Variants in BEND7 observed in about 807,000 individuals in gnomAD.
The protein encoded by BEND7 is BEN domain containing 7, also known as BEN domain-containing protein 7.
Under a neutral mutation model 50.9 loss-of-function variants are expected in BEND7, and 28 were observed. The observed-to-expected ratio is 0.55, with a 90% CI of 0.41 to 0.75. The LOEUF (loss-of-function observed/expected upper bound fraction) is 0.75. BEND7 is among the 30% of genes least tolerant of loss of function. The pLI is 0.00. For missense variants in BEND7, 477 were observed against 491.3 expected (o/e 0.97, Z 0.28); for synonymous variants, 170 against 183.9 (o/e 0.92, Z 0.61).
At chr10:13,479,767 T>C (rs1290520454) in intron 6 of BEND7, among the ~76,000 whole-genome samples, 1 of 152,072 alleles carries the variant, frequency 6.6e-6, no homozygotes, top group Non-Finnish European at 1.5e-5. Context: ...AGTGAAAAAA[T>C]TCTGATTGAG....
chr10:13,475,879 T>C (rs1271565276), intron 6 of BEND7, among the ~76,000 whole-genome samples: 1 of 152,170 alleles, frequency 6.6e-6, no homozygotes, highest in Admixed American at 6.5e-5. Context: ...TTAAATAGGG[T>C]TACTTAATTT....
At chr10:13,450,836 G>A (rs879282444) in intron 7 of BEND7, among the ~76,000 whole-genome samples, 4 of 152,010 alleles carry the variant, frequency 2.6e-5, no homozygotes, top group Non-Finnish European at 5.9e-5. Flanking sequence ...GGGCAAACCT[G>A]GGGGGAAATG....
chr10:13,500,921 A>G, intron 2 of BEND7: 5 of 816,952 alleles, frequency 6.1e-6, no homozygotes, highest in Non-Finnish European at 7.4e-6. Flanking sequence ...ACTGTGTGCG[A>G]AAGGTCACAG....
chr10:13,466,228 ATT>A (rs376860540), intron 6 of BEND7, among the ~76,000 whole-genome samples: 21 of 140,496 alleles, frequency 1.5e-4, no homozygotes, highest in African/African-American at 2.6e-4. Flanking sequence ...CGTTGAATCC[ATT>A]TTTTTTTTTT....
At position 13,492,865 on chromosome 10, in the gene BEND7, T is replaced by G; in HGVS notation, c.583A>C (p.Asn195His). The change falls in exon 5 of 9, where the codon AAC (asparagine) becomes CAC (histidine). Residue 195 changes from asparagine to histidine, a missense_variant. Physicochemically the swap from Asn to His is moderately conservative, Grantham distance 68. Coordinates refer to ENST00000466271, the MANE Select transcript of BEND7 (RefSeq NM_001369863.1). ...AGGGAAATTGGAGGTTGTTGTCTGT[T>G]TTGAGTTCCAACTGCGAATAATAAA... is the stretch of plus-strand genomic sequence containing the variant. ...LMQIQAVGTQ[N>H]RQQPPISLIC... is the part of the protein sequence containing the mutation. 1 of 1,597,424 alleles carries G rather than the reference T, an allele frequency of 6.3e-7. No homozygotes were observed. The highest frequency in any genetic ancestry group is 8.5e-7 in the Non-Finnish European group (1 of 1,176,304).
rs780036804 is a variant in BEND7, at chr10:13,441,699, C to T, written c.*44G>A. 4 of 1,612,886 alleles carry T rather than the reference C, an allele frequency of 2.5e-6. No individual in the cohort carries two copies. Among genetic ancestry groups the T allele is most frequent in the Non-Finnish European group, 2.5e-6 (3 of 1,179,588 alleles). ...GGGAGGCAGAGGACGGATTTTAAAA[C>T]CCATGGTGCAAAAAACACAAGAGCT... On this transcript the variant is annotated 3_prime_UTR_variant, in exon 9 of 9. Transcript: ENST00000466271.
At position 13,504,419 on chromosome 10, in the gene BEND7, GTGTTAACCAAGCACTT is replaced by G. The variant is rs534792372; in HGVS notation, c.146-4355_146-4340del. ...GCACAGGATTTTCACCATCACCAAG[GTGTTAACCAAGCACTT>G]TGTGGCTCTAGAAGTCCTTTTCGGA... On this transcript the variant is annotated intron_variant, in intron 2 of 8. Coordinates refer to ENST00000466271, the MANE Select transcript of BEND7 (RefSeq NM_001369863.1). 3.9e-5 allele frequency among the ~76,000 whole-genome samples: 6 copies of G among 152,264 alleles called. No individual in the cohort carries two copies. The East Asian group carries it at 1.2e-3, about 29-fold the overall frequency.
intron 6 of BEND7, among the ~76,000 whole-genome samples, chr10:13,468,484 G>A (rs187556939): frequency 1.4e-4 from 21 of 152,268 alleles, no homozygotes; most frequent in East Asian, 5.8e-4. Flanking sequence ...TTCAAGTTAC[G>A]GAGTCTTGGA....
At chr10:13,452,689 C>T (rs1208021981) in intron 6 of BEND7, 31 bp from the exon 7 acceptor site, 10 of 1,518,340 alleles carry the variant, frequency 6.6e-6, no homozygotes, top group Non-Finnish European at 7.1e-6. Flanking sequence ...TTGTTAAATA[C>T]CTTAACAAGT....
chr10:13,525,000 C>T (rs968897944), intron 2 of BEND7, among the ~76,000 whole-genome samples: 16 of 152,206 alleles, frequency 1.1e-4, no homozygotes, highest in Admixed American at 2.0e-4. Context: ...GCGAGAGCTT[C>T]GTTTGAAGGC....
At chr10:13,462,257 C>CA (rs35923910) in intron 6 of BEND7, among the ~76,000 whole-genome samples, 5,237 of 152,254 alleles carry the variant, frequency 0.034, 252 homozygotes, top group African/African-American at 0.11. Flanking sequence ...TTAATGGACT[C>CA]ACAGTTTAAC....
chr10:13,516,351 G>A (rs1458750764), intron 2 of BEND7, among the ~76,000 whole-genome samples: 3 of 152,222 alleles, frequency 2.0e-5, no homozygotes, highest in African/African-American at 4.8e-5. Context: ...GGGGTGGCGC[G>A]GAGGCTGGTG....
At chr10:13,503,629 T>C (rs2077645022) in intron 2 of BEND7, among the ~76,000 whole-genome samples, 2 of 152,180 alleles carry the variant, frequency 1.3e-5, no homozygotes, top group Admixed American at 1.3e-4. Flanking sequence ...GGAGAATCAC[T>C]TGAACCTGGG....
At chr10:13,495,399 C>T (rs1195694631) in intron 4 of BEND7, among the ~76,000 whole-genome samples, 5 of 152,212 alleles carry the variant, frequency 3.3e-5, no homozygotes, top group African/African-American at 4.8e-5. Flanking sequence ...CGGTGGCTCA[C>T]GCCTGTAATC....
At chr10:13,505,481 C>T (rs1232195312) in intron 2 of BEND7, among the ~76,000 whole-genome samples, 1 of 152,210 alleles carries the variant, frequency 6.6e-6, no homozygotes, top group African/African-American at 2.4e-5. Context: ...CCTGCCAGGC[C>T]ACATGGGGCA....
intron 5 of BEND7, among the ~76,000 whole-genome samples, chr10:13,486,484 T>C (rs533943397): frequency 3.9e-5 from 6 of 152,352 alleles, no homozygotes; most frequent in Non-Finnish European, 7.3e-5. Context: ...GCAGTGTGGA[T>C]GGGACAGGAG....
At chr10:13,441,826 G>C in intron 8 of BEND7, 76 bp from the exon 9 acceptor site, 1 of 1,441,098 alleles carries the variant, frequency 6.9e-7, no homozygotes, top group Non-Finnish European at 9.7e-7. Flanking sequence ...TAACAAAAAG[G>C]TATGATGGAA....
At chr10:13,469,513 T>C (rs1228611116) in intron 6 of BEND7, among the ~76,000 whole-genome samples, 1 of 152,244 alleles carries the variant, frequency 6.6e-6, no homozygotes, top group Non-Finnish European at 1.5e-5. Context: ...ATTCTTGCTC[T>C]GTCACCAGGC....
intron 6 of BEND7, among the ~76,000 whole-genome samples, chr10:13,479,980 G>C (rs141135914): frequency 1.3e-5 from 2 of 152,294 alleles, no homozygotes; most frequent in African/African-American, 4.8e-5. Flanking sequence ...GGCCCTCTGC[G>C]TCAGTCCCAC....
Sources: allele counts gnomAD v4.1 joint callset (sites outside exome capture counted in the v4.1 genomes callset), GRCh38; gene constraint gnomAD v4.1.1; transcripts MANE v1.5; gene names NCBI Gene and HGNC (gene_info 2026-07-23, HGNC 2026-07-21).